The following LRP1B variants were observed in gnomAD, a reference collection of about 807,000 sequenced individuals.
The protein encoded by LRP1B is low-density lipoprotein receptor-related protein 1B.
In LRP1B, 217 loss-of-function variants were observed where a neutral mutation model predicts 556.6. The ratio of observed to expected loss-of-function variants is 0.39; its 90% CI spans 0.35 to 0.44. The LOEUF (loss-of-function observed/expected upper bound fraction) is 0.44. LRP1B is among the 20% of genes least tolerant of loss of function. The pLI is 1.00. For synonymous variants in LRP1B, 2,047 were observed against 1,865.8 expected (o/e 1.10, Z -2.50); for missense variants, 5,053 against 5,620.8 (o/e 0.90, Z 3.23).
At chr2:141,097,626 T>A (rs1700354045) in intron 7 of LRP1B, among the ~76,000 whole-genome samples, 1 of 152,186 alleles carries the variant, frequency 6.6e-6, no homozygotes, top group Admixed American at 6.5e-5. Flanking sequence ...GGAAGCAACT[T>A]GCCTTTTTAA....
intron 1 of LRP1B, among the ~76,000 whole-genome samples, chr2:142,077,405 T>C (rs1164778820): frequency 6.6e-6 from 1 of 152,132 alleles, no homozygotes; most frequent in African/African-American, 2.4e-5. Flanking sequence ...CTAGCACAAC[T>C]TGGAGGCAGG....
intron 3 of LRP1B, among the ~76,000 whole-genome samples, chr2:141,467,227 C>A (rs933807269): frequency 6.6e-6 from 1 of 150,916 alleles, no homozygotes; most frequent in Non-Finnish European, 1.5e-5. Context: ...CTATGACAGC[C>A]AATTACGTGG....
At chr2:140,476,169 A>G (rs1286901710) in intron 59 of LRP1B, among the ~76,000 whole-genome samples, 1 of 152,034 alleles carries the variant, frequency 6.6e-6, no homozygotes, top group Non-Finnish European at 1.5e-5. Flanking sequence ...TGATTAAGCC[A>G]TTTGTGTTTT....
chr2:140,715,882 G>C (rs2105460703), intron 37 of LRP1B, 91 bp downstream of exon 37: 1 of 1,053,814 alleles, frequency 9.5e-7, no homozygotes, highest in Non-Finnish European at 1.3e-6. Context: ...TTTTGTCTCA[G>C]ACATTACAGC....
intron 43 of LRP1B, among the ~76,000 whole-genome samples, chr2:140,576,115 C>G (rs181458499): frequency 6.6e-6 from 1 of 152,018 alleles, no homozygotes; most frequent in Admixed American, 6.6e-5. Context: ...GTGCTGAAGA[C>G]GATCCATGGA....
At chr2:140,252,837 C>G (rs897100470) in intron 86 of LRP1B, among the ~76,000 whole-genome samples, 30 of 151,958 alleles carry the variant, frequency 2.0e-4, no homozygotes, top group African/African-American at 6.5e-4. Context: ...GTAGATGTAT[C>G]TAATATATCT....
At chr2:142,009,996 A>C (rs1702906066) in intron 1 of LRP1B, among the ~76,000 whole-genome samples, 1 of 152,072 alleles carries the variant, frequency 6.6e-6, no homozygotes. Context: ...ATCTCTTTAT[A>C]TAGATATAGG....
rs1226755936 is a variant in LRP1B, at chr2:140,238,231, G to A, written c.13481C>T (p.Ser4494Phe). Residue 4494 changes from serine (S) to phenylalanine (F), a missense_variant, in exon 89 of 91, where the codon TCT becomes TTT. Ser to Phe is a radical substitution (Grantham distance 155). Around this residue, in one of 5 missense-constraint regions of LRP1B, gnomAD observed 551 missense variants for 592.0 expected, o/e 0.93. Coordinates refer to ENST00000389484, the MANE Select transcript of LRP1B (RefSeq NM_018557.3). Reference sequence around the variant, plus strand: ...ATGATCTACCTCATACATGTTATAAGATGGATTGCCAATTTCTACATTTAT... The same window carrying A: ...ATGATCTACCTCATACATGTTATAAAATGGATTGCCAATTTCTACATTTAT... The part of the protein sequence containing the change: ...GGINVEIGNP[S>F]YNMYEVDHDH... 1.3e-6 allele frequency: 2 copies of A among 1,596,538 alleles called. No individual in the cohort carries two copies. The highest frequency in any genetic ancestry group is 1.7e-6 in the Non-Finnish European group (2 of 1,166,148).
chr2:140,343,308 A>T (rs927108137), intron 77 of LRP1B, among the ~76,000 whole-genome samples: 9 of 151,584 alleles, frequency 5.9e-5, no homozygotes, highest in African/African-American at 1.9e-4. Context: ...ATCATTTTTT[A>T]AAAGTAGCCT....
rs560512583 is a variant in LRP1B, at chr2:142,047,247, C to T, written c.82+83401G>A. 3.3e-5 allele frequency among the ~76,000 whole-genome samples: 5 copies of T among 152,030 alleles called. 1 individual carries two copies. Among genetic ancestry groups the T allele is most frequent in the African/African-American group, 1.2e-4 (5 of 41,516 alleles). Reference sequence around the variant, plus strand: ...CTGCTCATGGTACAGCCAACACACACGTACATGGAGGCTTGACATTTAGGA... The same window carrying T: ...CTGCTCATGGTACAGCCAACACACATGTACATGGAGGCTTGACATTTAGGA... On this transcript the variant is annotated intron_variant, in intron 1 of 90. Transcript: ENST00000389484.
At chr2:140,441,612 T>A (rs1365844339) in intron 66 of LRP1B, among the ~76,000 whole-genome samples, 1 of 152,212 alleles carries the variant, frequency 6.6e-6, no homozygotes, top group Non-Finnish European at 1.5e-5. Flanking sequence ...TAAAGGTTTT[T>A]CATTATTTTC....
intron 3 of LRP1B, among the ~76,000 whole-genome samples, chr2:141,382,312 G>A (rs1159409245): frequency 6.6e-6 from 1 of 152,240 alleles, no homozygotes; most frequent in Non-Finnish European, 1.5e-5. Flanking sequence ...AGTAGTCTAA[G>A]ACTCTGTGAT....
At chr2:141,615,705 C>G (rs894265485) in intron 2 of LRP1B, among the ~76,000 whole-genome samples, 9 of 151,974 alleles carry the variant, frequency 5.9e-5, no homozygotes, top group African/African-American at 2.2e-4. Flanking sequence ...GAAACAGAAA[C>G]TCTCACTTAA....
chr2:140,880,479 G>A (rs892411778), intron 25 of LRP1B, among the ~76,000 whole-genome samples: 1 of 152,076 alleles, frequency 6.6e-6, no homozygotes, highest in African/African-American at 2.4e-5. Flanking sequence ...GGGAGATCAG[G>A]TCAAAATCCA....
rs997007375 is a variant in LRP1B at position 141,421,418 on chromosome 2, A to C, written c.343+58978T>G. Reference sequence around the variant, plus strand: ...GTGGCGGGCGCCTGTAGTCCCAGCTACTTGGGAGGCTGAGGCAGGAGAATG... The same window carrying C: ...GTGGCGGGCGCCTGTAGTCCCAGCTCCTTGGGAGGCTGAGGCAGGAGAATG... On this transcript the variant is annotated intron_variant, in intron 3 of 90. Coordinates refer to ENST00000389484, the MANE Select transcript of LRP1B (RefSeq NM_018557.3). Among the ~76,000 whole-genome samples the C allele has an allele frequency of 2.5e-4, 38 of 150,318 alleles. 2 individuals carry two copies. The South Asian group carries it at 8.0e-3, about 32-fold the overall frequency.
intron 66 of LRP1B, among the ~76,000 whole-genome samples, chr2:140,389,709 TTATATA>T (rs1186829652): frequency 6.9e-6 from 1 of 145,376 alleles, no homozygotes; most frequent in East Asian, 2.6e-4. Context: ...TTCCAAAGTT[TTATATA>T]TATATAGTTA....
chr2:140,661,990 T>A (rs1435918700), intron 41 of LRP1B, among the ~76,000 whole-genome samples: 1 of 152,122 alleles, frequency 6.6e-6, no homozygotes, highest in Non-Finnish European at 1.5e-5. Context: ...CTCTCTTTTA[T>A]CATTTAAACT....
intron 2 of LRP1B, among the ~76,000 whole-genome samples, chr2:141,499,724 G>T (rs751664491): frequency 8.6e-5 from 13 of 151,658 alleles, no homozygotes; most frequent in Non-Finnish European, 1.8e-4. Flanking sequence ...GACATGATTG[G>T]CAAATAAAAA....
rs59093011 is a variant in LRP1B at position 141,466,950 on chromosome 2, G to GATAT, written c.343+13442_343+13445dup. Among the ~76,000 whole-genome samples, 401 of 140,824 alleles carry GATAT rather than the reference G, an allele frequency of 2.8e-3. 3 individuals carry two copies. Among genetic ancestry groups the GATAT allele is most frequent in the East Asian group, 0.012 (54 of 4,660 alleles). 92.4% of individuals were successfully genotyped at this position (140,824 alleles called of 152,430 possible). ...ATAAGTGAAAAGGAAGTGCTCAGGG[G>GATAT]ATATATATATATATATATATATCCC... On this transcript the variant is annotated intron_variant, in intron 3 of 90. Transcript: ENST00000389484.
Sources: gnomAD v4.1 joint callset for allele counts (sites outside exome capture counted in the v4.1 genomes callset) on GRCh38, gnomAD v4.1.1 for gene constraint, gnomAD v4.1.1 regional missense constraint, MANE v1.5 for transcripts, NCBI Gene and HGNC (gene_info 2026-07-23, HGNC 2026-07-21) for gene names.